Variants in PLCE1 observed in about 807,000 individuals in gnomAD.
PLCE1 encodes the protein phospholipase C epsilon 1.
In PLCE1, 119 loss-of-function variants were observed where a neutral mutation model predicts 242.8. That is an observed-to-expected ratio of 0.49 (90% CI 0.42 to 0.57). The LOEUF (loss-of-function observed/expected upper bound fraction) is 0.57, where lower values mean the gene tolerates loss of function less well. Ranked by LOEUF, PLCE1 falls within the 20% of genes least tolerant of loss-of-function variation. The pLI is 0.00. For synonymous variants in PLCE1, 945 were observed against 1,017.4 expected (o/e 0.93, Z 1.35); for missense variants, 2,441 against 2,788.8 (o/e 0.88, Z 2.81).
chr10:94,091,318 A>C (rs2045059656), intron 2 of PLCE1, among the ~76,000 whole-genome samples: 1 of 152,350 alleles, frequency 6.6e-6, no homozygotes, highest in Admixed American at 6.5e-5. Context: ...GTAAACAATG[A>C]AAAGCCTCCT....
At chr10:94,097,146 A>G (rs951904170) in intron 2 of PLCE1, among the ~76,000 whole-genome samples, 1 of 152,212 alleles carries the variant, frequency 6.6e-6, no homozygotes, top group African/African-American at 2.4e-5. Flanking sequence ...GCTAAAGCTA[A>G]GGCTACTTGA....
intron 4 of PLCE1, among the ~76,000 whole-genome samples, chr10:94,180,253 T>C (rs1357592783): frequency 6.6e-6 from 1 of 152,192 alleles, no homozygotes; most frequent in Non-Finnish European, 1.5e-5. Context: ...ATGATTTCAA[T>C]ATGTGTAAAA....
At chr10:94,197,294 T>C (rs113155120) in intron 4 of PLCE1, among the ~76,000 whole-genome samples, 24 of 152,368 alleles carry the variant, frequency 1.6e-4, no homozygotes, top group African/African-American at 4.1e-4. Context: ...AGTGCTGCTA[T>C]GAAATTCAAG....
At chr10:94,098,235 T>G (rs1241905309) in intron 2 of PLCE1, among the ~76,000 whole-genome samples, 1 of 152,200 alleles carries the variant, frequency 6.6e-6, no homozygotes, top group Admixed American at 6.5e-5. Flanking sequence ...AACAAAAACT[T>G]ACTGTGTAAA....
intron 22 of PLCE1, among the ~76,000 whole-genome samples, chr10:94,288,819 A>G (rs2052550587): frequency 6.6e-6 from 1 of 152,188 alleles, no homozygotes; most frequent in Non-Finnish European, 1.5e-5. Flanking sequence ...TTCCCTGGAC[A>G]CACACTGTCA....
rs555522722 is a variant in PLCE1 at position 94,300,537 on chromosome 10, A to G, written c.5458+1868A>G. On this transcript the variant is annotated intron_variant, in intron 24 of 32. Transcript: ENST00000371380. ...CCCCATGTTGGACAAAATACAAGCAACATGCAGTATCAGTGTGTTCATCTG... is the reference window on the plus strand; with the variant it reads ...CCCCATGTTGGACAAAATACAAGCAGCATGCAGTATCAGTGTGTTCATCTG... Among the ~76,000 whole-genome samples the G allele has an allele frequency of 6.6e-5, 10 of 152,346 alleles. No individual in the cohort carries two copies. In the South Asian group the frequency reaches 2.1e-3, roughly 32 times the overall value.
chr10:94,260,256 T>C (rs906149421), intron 13 of PLCE1, among the ~76,000 whole-genome samples: 8 of 152,188 alleles, frequency 5.3e-5, no homozygotes, highest in Non-Finnish European at 8.8e-5. Context: ...CACAGGGTAC[T>C]TCTGTCTGAA....
chr10:94,317,288 CAA>C (rs1409013811), intron 29 of PLCE1, among the ~76,000 whole-genome samples: 2 of 152,120 alleles, frequency 1.3e-5, no homozygotes, highest in Middle Eastern at 3.2e-3. Flanking sequence ...TTTTCTCACA[CAA>C]ATAAACTATT....
chr10:94,252,287 A>G (rs1490428627), intron 8 of PLCE1, 29 bp from the exon 9 acceptor site: 16 of 1,605,480 alleles, frequency 1.0e-5, no homozygotes, highest in African/African-American at 2.7e-5. Flanking sequence ...GATGCTTCCT[A>G]TTGTGTTCAC....
chr10:94,323,542 A>G (rs2053898319), intron 30 of PLCE1, among the ~76,000 whole-genome samples: 1 of 152,240 alleles, frequency 6.6e-6, no homozygotes, highest in African/African-American at 2.4e-5. Context: ...ACTACATGGT[A>G]AGTCACCACA....
intron 3 of PLCE1, among the ~76,000 whole-genome samples, chr10:94,145,239 G>C (rs1392873319): frequency 2.0e-5 from 3 of 152,114 alleles, no homozygotes; most frequent in African/African-American, 7.2e-5. Context: ...TAATTGTTTC[G>C]AGGAGTTGGG....
At chr10:94,158,692 GC>G (rs2047507668) in intron 3 of PLCE1, among the ~76,000 whole-genome samples, 1 of 151,856 alleles carries the variant, frequency 6.6e-6, no homozygotes, top group South Asian at 2.1e-4. Context: ...GGGGAAAAGT[GC>G]ACTATAGAGT....
At chr10:94,277,344 G>C (rs897529925) in intron 19 of PLCE1, among the ~76,000 whole-genome samples, 9 of 152,232 alleles carry the variant, frequency 5.9e-5, no homozygotes, top group Admixed American at 5.9e-4. Context: ...CTCCTCATCT[G>C]ACCCATACCT....
chr10:94,293,185 T>G (rs1383040902), intron 22 of PLCE1, among the ~76,000 whole-genome samples: 1 of 152,232 alleles, frequency 6.6e-6, no homozygotes, highest in Non-Finnish European at 1.5e-5. Flanking sequence ...AATTAGCCAC[T>G]GATCATTTCT....
Position 94,245,927 on chromosome 10 carries a change from T to C in PLCE1, c.2421-19T>C. 6.2e-7 allele frequency: 1 copy of C among 1,606,768 alleles called. No individual in the cohort carries two copies. The highest frequency in any genetic ancestry group is 8.5e-7 in the Non-Finnish European group (1 of 1,173,400). On this transcript the variant is annotated intron_variant, in intron 7 of 32. Coordinates refer to ENST00000371380, the MANE Select transcript of PLCE1 (RefSeq NM_016341.4). Reference sequence around the variant, plus strand: ...CACTTGATTATAAGACAAACCAAATTGGTGTTTCTTTCCTTAAGGTTTATA... The same window carrying C: ...CACTTGATTATAAGACAAACCAAATCGGTGTTTCTTTCCTTAAGGTTTATA...
chr10:94,280,036 G>T, intron 20 of PLCE1, 125 bp downstream of exon 20: 1 of 1,016,406 alleles, frequency 9.8e-7, no homozygotes. Context: ...TATTGTCCAG[G>T]AGTTTCTGAA....
chr10:94,139,700 C>G (rs1051265859), intron 3 of PLCE1, among the ~76,000 whole-genome samples: 1 of 152,092 alleles, frequency 6.6e-6, no homozygotes, highest in South Asian at 2.1e-4. Context: ...TGCCTTGCCC[C>G]CCTTTCCTCC....
chr10:94,052,842 G>A (rs2043801839), intron 2 of PLCE1, among the ~76,000 whole-genome samples: 1 of 152,094 alleles, frequency 6.6e-6, no homozygotes, highest in Non-Finnish European at 1.5e-5. Flanking sequence ...GTCTTAAGGT[G>A]TGCTTCATAT....
At chr10:94,091,495 C>T (rs2135373829) in intron 2 of PLCE1, among the ~76,000 whole-genome samples, 1 of 152,192 alleles carries the variant, frequency 6.6e-6, no homozygotes, top group Admixed American at 6.5e-5. Context: ...AGAAAGATAA[C>T]TATAGTTCAT....
Sources: gnomAD v4.1 joint callset for allele counts (sites outside exome capture counted in the v4.1 genomes callset) on GRCh38, gnomAD v4.1.1 for gene constraint, MANE v1.5 for transcripts, NCBI Gene and HGNC (gene_info 2026-07-23, HGNC 2026-07-21) for gene names.